Variants in EBF1 observed in about 807,000 individuals in gnomAD.
EBF1 encodes the protein EBF transcription factor 1, also known as transcription factor COE1.
EBF1 carries 10 observed loss-of-function variants against 68.4 expected under a neutral mutation model. That is an observed-to-expected ratio of 0.15 (90% CI 0.09 to 0.25). The LOEUF is 0.25. Among genes scored for constraint, EBF1 ranks in the 10% least tolerant of loss-of-function variants. The pLI, the probability that EBF1 is intolerant of heterozygous loss-of-function variation, is 1.00. For missense variants in EBF1, 509 were observed against 794.4 expected (o/e 0.64, Z 4.32); for synonymous variants, 298 against 299.8 (o/e 0.99, Z 0.06).
At chr5:159,062,741 A>G (rs1776092192) in intron 6 of EBF1, among the ~76,000 whole-genome samples, 1 of 152,200 alleles carries the variant, frequency 6.6e-6, no homozygotes, top group South Asian at 2.1e-4. Context: ...AAAGGATGCC[A>G]CATATATATG....
chr5:159,072,046 A>C (rs1169186748), intron 6 of EBF1, among the ~76,000 whole-genome samples: 3 of 152,246 alleles, frequency 2.0e-5, no homozygotes, highest in African/African-American at 7.2e-5. Context: ...TATGAACAGT[A>C]TATCTGCTTT....
At chr5:158,709,772 CTG>C (rs1408514769) in intron 14 of EBF1, among the ~76,000 whole-genome samples, 2 of 152,166 alleles carry the variant, frequency 1.3e-5, no homozygotes, top group Admixed American at 6.5e-5. Context: ...GGATTTGTAA[CTG>C]TGAAAATACG....
chr5:158,942,467 A>G (rs1813637498), intron 6 of EBF1, among the ~76,000 whole-genome samples: 2 of 152,208 alleles, frequency 1.3e-5, no homozygotes, highest in African/African-American at 4.8e-5. Flanking sequence ...GGAAAAAAAC[A>G]TTTAGCACAG....
intron 10 of EBF1, among the ~76,000 whole-genome samples, chr5:158,737,227 C>T (rs531270126): frequency 4.1e-5 from 6 of 147,878 alleles, no homozygotes; most frequent in African/African-American, 1.5e-4. Flanking sequence ...AATAGAGAAG[C>T]CAGAGGAAAA....
chr5:158,810,001 C>T (rs1271159559), intron 8 of EBF1, among the ~76,000 whole-genome samples: 1 of 152,150 alleles, frequency 6.6e-6, no homozygotes, highest in Non-Finnish European at 1.5e-5. Flanking sequence ...TTGGATTCCA[C>T]AGGCCTTTAG....
chr5:158,972,190 A>C (rs1325492635), intron 6 of EBF1, among the ~76,000 whole-genome samples: 2 of 151,900 alleles, frequency 1.3e-5, no homozygotes, highest in Non-Finnish European at 2.9e-5. Context: ...TGCCCACCTC[A>C]ATCTGTGTCC....
At chr5:158,820,921 T>C (rs936968962) in intron 8 of EBF1, among the ~76,000 whole-genome samples, 3 of 152,224 alleles carry the variant, frequency 2.0e-5, no homozygotes, top group Middle Eastern at 3.2e-3. Context: ...AAGTGGCTTT[T>C]TTCCCCCTCT....
intron 6 of EBF1, among the ~76,000 whole-genome samples, chr5:158,888,711 C>T (rs560745516): frequency 1.3e-5 from 2 of 152,052 alleles, no homozygotes; most frequent in African/African-American, 4.8e-5. Flanking sequence ...ATTTGTGTCT[C>T]GATATGAATT....
At chr5:158,732,038 C>A (rs189980864) in intron 10 of EBF1, among the ~76,000 whole-genome samples, 1 of 152,138 alleles carries the variant, frequency 6.6e-6, no homozygotes, top group African/African-American at 2.4e-5. Flanking sequence ...CGTGAAACAG[C>A]GGAGATGGAA....
intron 6 of EBF1, among the ~76,000 whole-genome samples, chr5:158,997,588 A>G (rs1761669426): frequency 6.6e-6 from 1 of 152,028 alleles, no homozygotes; most frequent in African/African-American, 2.4e-5. Flanking sequence ...TCTTCCCATT[A>G]CTTCTTTCTG....
At chr5:158,957,990 A>G (rs1817478146) in intron 6 of EBF1, among the ~76,000 whole-genome samples, 1 of 152,364 alleles carries the variant, frequency 6.6e-6, no homozygotes, top group African/African-American at 2.4e-5. Context: ...AAACGTAAAG[A>G]AAAAGAAAAC....
intron 8 of EBF1, among the ~76,000 whole-genome samples, chr5:158,811,371 G>T (rs975921707): frequency 4.6e-5 from 7 of 152,170 alleles, no homozygotes; most frequent in African/African-American, 1.7e-4. Flanking sequence ...CTCCACGTCT[G>T]AAGTCCAATG....
chr5:158,954,334 T>C (rs188847411), intron 6 of EBF1, among the ~76,000 whole-genome samples: 332 of 152,324 alleles, frequency 2.2e-3, no homozygotes, highest in Middle Eastern at 0.01. Context: ...GTCAAAGACA[T>C]TAAAATCCAA....
chr5:158,971,807 T>C (rs1440255680), intron 6 of EBF1, among the ~76,000 whole-genome samples: 1 of 152,058 alleles, frequency 6.6e-6, no homozygotes, highest in Non-Finnish European at 1.5e-5. Context: ...GGGAGTGCTC[T>C]CCCTCACCTC....
intron 6 of EBF1, among the ~76,000 whole-genome samples, chr5:158,955,279 C>T (rs1816834844): frequency 6.6e-6 from 1 of 151,856 alleles, no homozygotes; most frequent in South Asian, 2.1e-4. Context: ...GCCGAGATTG[C>T]ACCACTGCAC....
At chr5:158,939,004 C>A (rs946203983) in intron 6 of EBF1, among the ~76,000 whole-genome samples, 4 of 152,226 alleles carry the variant, frequency 2.6e-5, no homozygotes, top group Admixed American at 6.5e-5. Context: ...ACTGGTCCAA[C>A]TTTCCCACCA....
intron 5 of EBF1, chr5:159,073,671 G>T: frequency 3.6e-6 from 2 of 556,552 alleles, no homozygotes; most frequent in South Asian, 4.8e-5. Flanking sequence ...GCTCAAAGAA[G>T]GAGGTGGGGG....
At chr5:158,828,926 G>A (rs1178593079) in intron 7 of EBF1, among the ~76,000 whole-genome samples, 1 of 152,146 alleles carries the variant, frequency 6.6e-6, no homozygotes, top group Non-Finnish European at 1.5e-5. Flanking sequence ...ATAAGAAAAA[G>A]TGAATCTCAA....
chr5:159,021,541 C>T (rs73818909), intron 6 of EBF1, among the ~76,000 whole-genome samples: 1,668 of 152,260 alleles, frequency 0.011, 34 homozygotes, highest in African/African-American at 0.037. Context: ...CCGCATGCAG[C>T]GCATGAACAC....
Sources: gnomAD v4.1 joint callset for allele counts (sites outside exome capture counted in the v4.1 genomes callset) on GRCh38, gnomAD v4.1.1 for gene constraint, MANE v1.5 for transcripts, NCBI Gene and HGNC (gene_info 2026-07-23, HGNC 2026-07-21) for gene names.